RAB37: variants seen among roughly 807,000 people sequenced by gnomAD.
RAB37 encodes RAB37, member RAS oncogene family, also known as ras-related protein Rab-37.
A neutral mutation model predicts 33.1 loss-of-function variants in RAB37; 29 were observed. The observed-to-expected ratio is 0.88, with a 90% CI of 0.65 to 1.20. The LOEUF is 1.20. Among genes scored for constraint, RAB37 ranks in the 50% most tolerant of loss-of-function variants. The probability of loss-of-function intolerance (pLI) is 0.00; values close to 1 mark genes in which losing one functional copy is unlikely to be tolerated. For missense variants in RAB37, 299 were observed against 301.1 expected, an observed-to-expected ratio of 0.99 and a Z score of 0.05; for synonymous variants, 128 against 119.5, an observed-to-expected ratio of 1.07 and a Z score of -0.47.
At chr17:74,700,154 A>G (rs963685644) in intron 1 of RAB37, among the ~76,000 whole-genome samples, 3 of 149,988 alleles carry the variant, frequency 2.0e-5, no homozygotes, top group African/African-American at 7.3e-5. Flanking sequence ...TAAATAAATA[A>G]ATAAATAAAT....
At chr17:74,704,030 T>A (rs1040024098) in intron 1 of RAB37, among the ~76,000 whole-genome samples, 12 of 152,198 alleles carry the variant, frequency 7.9e-5, no homozygotes, top group Non-Finnish European at 1.3e-4. Context: ...GAGCCTCTTT[T>A]TCCCCCAGGT....
At chr17:74,733,793 A>C (rs2034427531), upstream of RAB37, among the ~76,000 whole-genome samples, 1 of 151,792 alleles carries the variant, frequency 6.6e-6, no homozygotes, top group Admixed American at 6.6e-5. Flanking sequence ...ACCCTAACCC[A>C]CTTCTGACTC....
rs535449324 is a variant in RAB37 at position 74,740,679 on chromosome 17, C to A, written c.94-89C>A. On this transcript the variant is annotated intron_variant, in intron 1 of 8. Transcript: ENST00000392613. ...CGGTCAGCATTCGTGCCAGCCCCCT[C>A]TTCTCTGATCCTCTCCATGTGTCTC... The A allele has an allele frequency of 1.6e-5, 15 of 950,680 alleles. No individual in the cohort carries two copies. The African/African-American group carries it at 1.8e-4, about 11-fold the overall frequency. The allele number at this position is 950,680 out of a possible 1,614,324, so 58.9% of individuals were successfully genotyped here. A position where few individuals can be genotyped will look rare whatever the true frequency, so the allele number is the denominator to read the frequency against.
At chr17:74,733,620 AGTGTCTGT>A (rs2034425564), upstream of RAB37, among the ~76,000 whole-genome samples, 1 of 10,002 alleles carries the variant, frequency 1.0e-4, no homozygotes, top group Non-Finnish European at 2.2e-4. Flanking sequence ...CACACGTGTG[AGTGTCTGT>A]GGTGTGTGTC....
At chr17:74,696,044 C>T in intron 1 of RAB37, 1 of 1,244,522 alleles carries the variant, frequency 8.0e-7, no homozygotes, top group Non-Finnish European at 1.1e-6. Context: ...TGTTTCCAGG[C>T]CCTCAGCCCC....
At position 74,671,478 on chromosome 17, in the gene RAB37, C is replaced by A; in HGVS notation, c.-109C>A. On this transcript the variant is annotated 5_prime_UTR_variant, in exon 1 of 8. Coordinates refer to the RAB37 transcript ENST00000340415. The surrounding 1 kb of genome is among the most constrained non-coding windows in gnomAD (Gnocchi z 5.0). ...TGCTGAAAACGGATGCGGCCCGGCC[C>A]GCAGAGCTCAGACCCAAGCCTGCCG... The A allele has an allele frequency of 9.7e-7, 1 of 1,030,610 alleles. No homozygotes were observed. The highest frequency in any genetic ancestry group is 1.5e-6 in the Non-Finnish European group (1 of 682,618). 63.8% of individuals were successfully genotyped at this position (1,030,610 alleles called of 1,614,324 possible). A position where few individuals can be genotyped will look rare whatever the true frequency, so the allele number is the denominator to read the frequency against.
rs185408082 is a variant in RAB37, at chr17:74,724,911, T to G, written c.73-4345T>G. 1.4e-3 allele frequency among the ~76,000 whole-genome samples: 220 copies of G among 152,288 alleles called. 1 individual carries two copies. Among genetic ancestry groups the G allele is most frequent in the Non-Finnish European group, 1.6e-3 (109 of 68,012 alleles). ...GTCACAGGGGATATGATGGCTTAGC[T>G]TGGGCTCAAAGGCCTGACAATATCT... On this transcript the variant is annotated intron_variant, in intron 1 of 7. Coordinates refer to the RAB37 transcript ENST00000340415.
chr17:74,729,735 T>A lies in RAB37; in HGVS notation c.183+369T>A, dbSNP rs2034361696. On this transcript the variant is annotated intron_variant, in intron 2 of 7. Coordinates refer to the RAB37 transcript ENST00000340415. The surrounding 1 kb of genome is among the most constrained non-coding windows in gnomAD (Gnocchi z 4.2). ...AGGCAGCCAGGAGAACAATCCCCTG[T>A]CCCACCTTGCTCTCCTCCTGCTCCC... Among the ~76,000 whole-genome samples, 1 of 152,120 alleles carries A rather than the reference T, an allele frequency of 6.6e-6. No individual in the cohort carries two copies. The highest frequency in any genetic ancestry group is 1.5e-5 in the Non-Finnish European group (1 of 68,024).
intron 1 of RAB37, among the ~76,000 whole-genome samples, chr17:74,684,736 G>A (rs573661636): frequency 6.6e-6 from 1 of 152,250 alleles, no homozygotes; most frequent in Non-Finnish European, 1.5e-5. Context: ...GTTGCAGTGA[G>A]CCAAGATTGT....
At chr17:74,739,828 G>A (rs1207197053) in intron 1 of RAB37, among the ~76,000 whole-genome samples, 1 of 151,876 alleles carries the variant, frequency 6.6e-6, no homozygotes, top group East Asian at 1.9e-4. Flanking sequence ...ACTGCACCCG[G>A]CCTCATGCAA....
At chr17:74,674,537 G>A (rs2031780886) in intron 1 of RAB37, among the ~76,000 whole-genome samples, 1 of 152,060 alleles carries the variant, frequency 6.6e-6, no homozygotes, top group Admixed American at 6.5e-5. Context: ...AATCAGCTAG[G>A]CGTGGTAACA....
upstream of RAB37, chr17:74,737,184 G>T: frequency 6.5e-7 from 1 of 1,536,998 alleles, no homozygotes; most frequent in Non-Finnish European, 8.7e-7. Context: ...CCGGTCGAGG[G>T]AGGGGAGGAG....
Position 74,695,554 on chromosome 17 carries a change from A to C in RAB37, c.72+23896A>C, listed in dbSNP as rs981175528. On this transcript the variant is annotated intron_variant, in intron 1 of 7. Coordinates refer to the RAB37 transcript ENST00000340415. The stretch of plus-strand genomic sequence containing the variant: ...GCCAGTCCCTGTGTCCCCAGGACTG[A>C]GACTTGCCTGTGGGAGCTCCTAGGC... 1.1e-4 allele frequency among the ~76,000 whole-genome samples: 16 copies of C among 152,150 alleles called. No individual in the cohort carries two copies. In the South Asian group the frequency reaches 1.2e-3, roughly 12 times the overall value.
intron 1 of RAB37, among the ~76,000 whole-genome samples, chr17:74,679,550 A>G (rs904501001): frequency 6.6e-6 from 1 of 152,220 alleles, no homozygotes; most frequent in African/African-American, 2.4e-5. Flanking sequence ...AAATAAGCAT[A>G]TGGTTTATTT....
intron 1 of RAB37, among the ~76,000 whole-genome samples, chr17:74,726,482 G>A (rs1567809105): frequency 6.6e-6 from 1 of 152,208 alleles, no homozygotes; most frequent in Non-Finnish European, 1.5e-5. Context: ...ACACGAATGA[G>A]GGGAACGTGG....
At chr17:74,686,547 C>A (rs1317956878) in intron 1 of RAB37, among the ~76,000 whole-genome samples, 5 of 152,074 alleles carry the variant, frequency 3.3e-5, no homozygotes, top group Admixed American at 6.6e-5. Flanking sequence ...TACACCACTA[C>A]ACCTAGCTAG....
intron 1 of RAB37, among the ~76,000 whole-genome samples, chr17:74,701,462 T>TAATA (rs1167942371): frequency 6.6e-6 from 1 of 152,190 alleles, no homozygotes; most frequent in East Asian, 1.9e-4. Flanking sequence ...ATTCATAAAA[T>TAATA]AATAAATAAA....
In RAB37 at chr17:74,729,502, A is replaced by G. The variant is rs1280666291; in HGVS notation, c.183+136A>G. The G allele has an allele frequency of 2.8e-6, 2 of 705,996 alleles. No individual in the cohort carries two copies. Among genetic ancestry groups the G allele is most frequent in the Non-Finnish European group, 5.1e-6 (2 of 389,332 alleles). 43.7% of individuals were successfully genotyped at this position (705,996 alleles called of 1,614,324 possible). A position where few individuals can be genotyped will look rare whatever the true frequency, so the allele number is the denominator to read the frequency against. ...GGATTAAGGAGAAGACTGTTCCCCA[A>G]GGTGTAGGAGGGTGTTGGGTGACCA... On this transcript the variant is annotated intron_variant, in intron 2 of 7. Transcript: ENST00000340415. This position sits in a 1 kb window ranked among gnomAD's most constrained non-coding sequence, Gnocchi z 4.2.
intron 1 of RAB37, among the ~76,000 whole-genome samples, chr17:74,740,112 C>T (rs2034574609): frequency 2.0e-5 from 3 of 150,852 alleles, no homozygotes; most frequent in Non-Finnish European, 2.9e-5. Flanking sequence ...GCCAAGATCT[C>T]GCCATTGCAC....
Sources: gnomAD v4.1 joint callset for allele counts (sites outside exome capture counted in the v4.1 genomes callset) on GRCh38, gnomAD v4.1.1 for gene constraint, Gnocchi (gnomAD v3.1) non-coding constraint, MANE v1.5 for transcripts, NCBI Gene and HGNC (gene_info 2026-07-23, HGNC 2026-07-21) for gene names.